Variants in HPN observed in about 807,000 individuals in gnomAD.
HPN encodes hepsin.
Under a neutral mutation model 55.9 loss-of-function variants are expected in HPN, and 13 were observed. The observed-to-expected ratio is 0.23, with a 90% CI of 0.15 to 0.37. The LOEUF is 0.37. Among genes scored for constraint, HPN ranks in the 10% least tolerant of loss-of-function variants. HPN has a pLI of 1.00. For missense variants in HPN, 451 were observed against 575.8 expected (o/e 0.78, Z 2.22); for synonymous variants, 225 against 240.3 (o/e 0.94, Z 0.59).
At chr19:35,056,430 G>A (rs1263137925) in intron 4 of HPN, among the ~76,000 whole-genome samples, 1 of 152,088 alleles carries the variant, frequency 6.6e-6, no homozygotes, top group Non-Finnish European at 1.5e-5. Context: ...CAAAGTGTTT[G>A]GTAAATAGAA....
intron 2 of HPN, among the ~76,000 whole-genome samples, chr19:35,047,834 A>G (rs1416721592): frequency 6.6e-6 from 1 of 151,740 alleles, no homozygotes. Context: ...CCGTCAATAC[A>G]AAAAATACAA....
rs180886917 is a variant in HPN, at chr19:35,063,425, C to G, written c.812-1825C>G. Reference sequence around the variant, plus strand: ...ACATGCTTTTCTTTAAAACCAAACCCTGTCCTGACATGGTGGCTCACGCCT... The same window carrying G: ...ACATGCTTTTCTTTAAAACCAAACCGTGTCCTGACATGGTGGCTCACGCCT... On this transcript the variant is annotated intron_variant, in intron 9 of 12. Transcript: ENST00000672452. 1.6e-3 allele frequency among the ~76,000 whole-genome samples: 249 copies of G among 152,332 alleles called. 2 individuals are homozygous for G. The highest frequency in any genetic ancestry group is 5.7e-3 in the African/African-American group (238 of 41,578).
intron 2 of HPN, among the ~76,000 whole-genome samples, chr19:35,045,321 G>A (rs1425990352): frequency 6.6e-6 from 1 of 152,144 alleles, no homozygotes; most frequent in Non-Finnish European, 1.5e-5. Flanking sequence ...TCAGAGGCGG[G>A]AAGGAAAATC....
chr19:35,048,780 G>A (rs2064373124), intron 2 of HPN, among the ~76,000 whole-genome samples: 1 of 152,042 alleles, frequency 6.6e-6, no homozygotes, highest in African/African-American at 2.4e-5. Context: ...TCAAGTGGAG[G>A]GGCAAATTTG....
chr19:35,048,771 C>G (rs2064373027), intron 2 of HPN, among the ~76,000 whole-genome samples: 1 of 152,062 alleles, frequency 6.6e-6, no homozygotes, highest in African/African-American at 2.4e-5. Context: ...GGCAGATTTT[C>G]AAGTGGAGGG....
At chr19:35,046,394 G>A (rs1177189850) in intron 2 of HPN, among the ~76,000 whole-genome samples, 10 of 151,984 alleles carry the variant, frequency 6.6e-5, no homozygotes, top group African/African-American at 1.5e-4. Flanking sequence ...ATAGGCGCCC[G>A]CCACCACACC....
chr19:35,042,366 C>A (rs1055806752), intron 1 of HPN, 87 bp from the exon 2 acceptor site: 2 of 1,462,706 alleles, frequency 1.4e-6, no homozygotes, highest in Middle Eastern at 2.1e-4. Flanking sequence ...CTACAGCCTG[C>A]CTGGATGGAC....
At chr19:35,057,138 G>C (rs2064462960) in intron 4 of HPN, among the ~76,000 whole-genome samples, 1 of 152,170 alleles carries the variant, frequency 6.6e-6, no homozygotes, top group Admixed American at 6.5e-5. Flanking sequence ...AATGTTATCA[G>C]ATGGGGGCCA....
intron 10 of HPN, 50 bp from the exon 11 acceptor site, chr19:35,065,489 G>C (rs2064595887): frequency 1.0e-5 from 16 of 1,602,542 alleles, no homozygotes; most frequent in Non-Finnish European, 1.4e-5. Flanking sequence ...GGAGGGAAGG[G>C]GGGTGTGTAC....
chr19:35,048,293 T>C (rs760074331), intron 2 of HPN, among the ~76,000 whole-genome samples: 4 of 152,236 alleles, frequency 2.6e-5, no homozygotes, highest in Non-Finnish European at 4.4e-5. Context: ...TGGACGCTGC[T>C]CTGCCTCTTC....
intron 4 of HPN, among the ~76,000 whole-genome samples, chr19:35,051,699 A>G (rs1355938643): frequency 1.4e-5 from 2 of 147,864 alleles, no homozygotes; most frequent in African/African-American, 4.9e-5. Flanking sequence ...AAAAAAAAAA[A>G]GAACAGCTGA....
In HPN at chr19:35,045,699, CCTGGGCCAGATGAGGATGCT is replaced by C. The variant is rs1568355252; in HGVS notation, c.16+3178_16+3197del. Among the ~76,000 whole-genome samples, 19 of 144,930 alleles carry C rather than the reference CCTGGGCCAGATGAGGATGCT, an allele frequency of 1.3e-4. No individual in the cohort carries two copies. In the South Asian group the frequency reaches 3.5e-3, roughly 27 times the overall value. ...GGGAGGATGAGGATGCGTCCCACAC[CCTGGGCCAGATGAGGATGCT>C]GCCTGTCCCAGTAGAGACACGCAGG... is the stretch of plus-strand genomic sequence containing the variant. On this transcript the variant is annotated intron_variant, in intron 2 of 12. Transcript: ENST00000672452.
intron 2 of HPN, among the ~76,000 whole-genome samples, chr19:35,046,668 G>A (rs564860809): frequency 1.3e-5 from 2 of 152,368 alleles, no homozygotes; most frequent in African/African-American, 4.8e-5. Flanking sequence ...CATGGGTGCA[G>A]ATGGGCGAGC....
intron 4 of HPN, chr19:35,050,298 A>T: frequency 5.3e-6 from 2 of 379,548 alleles, no homozygotes; most frequent in East Asian, 7.6e-5. Context: ...AATTTTTTGT[A>T]TTTTTAGTAG....
chr19:35,059,888 C>A lies in HPN; in HGVS notation c.305C>A (p.Ser102Tyr). The A allele has an allele frequency of 1.3e-6, 2 of 1,504,350 alleles. No individual in the cohort carries two copies. Among genetic ancestry groups the A allele is most frequent in the Non-Finnish European group, 1.8e-6 (2 of 1,126,702 alleles). The allele number at this position is 1,504,350 out of a possible 1,614,324, so 93.2% of individuals were successfully genotyped here. ...GCCCCGCCCAGGGCACTGACCCACT[C>A]CGAGCTGGACGTGCGAACGGCGGGC... ...EMGFLRALTH[S>Y]ELDVRTAGAN... Residue 102 changes from serine (S) to tyrosine (Y), a missense_variant, in exon 6 of 13, where the codon TCC (serine) becomes TAC (tyrosine). Coordinates refer to ENST00000672452, the MANE Select transcript of HPN (RefSeq NM_001384133.1).
intron 2 of HPN, among the ~76,000 whole-genome samples, chr19:35,043,550 C>T (rs747234765): frequency 5.3e-5 from 8 of 152,276 alleles, no homozygotes; most frequent in Middle Eastern, 6.8e-3. Context: ...TGTCCAACAG[C>T]GTGGGGCGAG....
At chr19:35,059,851 G>T (rs762315183) in intron 5 of HPN, 23 bp from the exon 6 acceptor site, 1 of 1,509,542 alleles carries the variant, frequency 6.6e-7, no homozygotes. Context: ...CTGGGGAGCA[G>T]GCCTAACCCC....
In HPN at chr19:35,060,809, C is replaced by T; in HGVS notation, c.803C>T (p.Pro268Leu). Reference sequence around the variant, plus strand: ...CTGGTCCACCTCTCCAGTCCCCTGCCCCTCACAGGTAAGTCTAAGGGCTGA... The same window carrying T: ...CTGGTCCACCTCTCCAGTCCCCTGCTCCTCACAGGTAAGTCTAAGGGCTGA... ...IALVHLSSPL[P>L]LTEYIQPVCL... is the part of the protein sequence containing the mutation. The change falls in exon 9 of 13, where the codon CCC (proline) becomes CTC (leucine). Residue 268 changes from proline to leucine, a missense_variant. Pro to Leu is a moderately conservative substitution (Grantham distance 98, BLOSUM62 -3). Transcript: ENST00000672452. 4 of 1,580,488 alleles carry T rather than the reference C, an allele frequency of 2.5e-6. No homozygotes were observed. The highest frequency in any genetic ancestry group is 2.4e-5 in the South Asian group (2 of 84,622).
chr19:35,066,093 G>A (rs1323131836), intron 12 of HPN, 61 bp downstream of exon 12: 1 of 1,610,796 alleles, frequency 6.2e-7, no homozygotes, highest in East Asian at 2.2e-5. Flanking sequence ...ATGGGGGAAG[G>A]GAGGCAGAGA....
Sources: gnomAD v4.1 joint callset for allele counts (sites outside exome capture counted in the v4.1 genomes callset) on GRCh38, gnomAD v4.1.1 for gene constraint, MANE v1.5 for transcripts, NCBI Gene and HGNC (gene_info 2026-07-23, HGNC 2026-07-21) for gene names.